DCLK2: variants seen among roughly 807,000 people sequenced by gnomAD.
The protein encoded by DCLK2 is doublecortin like kinase 2, also known as serine/threonine-protein kinase DCLK2.
In DCLK2, 31 loss-of-function variants were observed where a neutral mutation model predicts 78.4. The observed-to-expected ratio is 0.40, with a 90% CI of 0.30 to 0.53. DCLK2 has a LOEUF of 0.53. DCLK2 is among the 20% of genes least tolerant of loss of function. The probability of loss-of-function intolerance (pLI) is 0.61; values close to 1 mark genes in which losing one functional copy is unlikely to be tolerated. For synonymous variants in DCLK2, 407 were observed against 374.9 expected, an observed-to-expected ratio of 1.09 and a Z score of -0.99; for missense variants, 872 against 973.7, an observed-to-expected ratio of 0.90 and a Z score of 1.39.
intron 2 of DCLK2, among the ~76,000 whole-genome samples, chr4:150,119,711 A>G (rs1207954913): frequency 6.6e-6 from 1 of 152,192 alleles, no homozygotes; most frequent in Non-Finnish European, 1.5e-5. Context: ...GCCCAATGCA[A>G]ATACAGACCA....
intron 1 of DCLK2, among the ~76,000 whole-genome samples, chr4:150,086,728 G>A (rs1268790609): frequency 6.6e-6 from 1 of 151,984 alleles, no homozygotes; most frequent in African/African-American, 2.4e-5. Context: ...GGATGGTCTC[G>A]ATCTCCTGAC....
At chr4:150,236,131 C>T (rs1742486293) in intron 10 of DCLK2, among the ~76,000 whole-genome samples, 1 of 152,210 alleles carries the variant, frequency 6.6e-6, no homozygotes, top group Non-Finnish European at 1.5e-5. Context: ...GTGGGATCTG[C>T]ATTCCTCGCA....
At chr4:150,085,809 A>G (rs1729597047) in intron 1 of DCLK2, among the ~76,000 whole-genome samples, 1 of 152,172 alleles carries the variant, frequency 6.6e-6, no homozygotes, top group Non-Finnish European at 1.5e-5. Context: ...CACCTCCAGA[A>G]CTGTGAGAAA....
At chr4:150,242,518 G>A (rs1201208120) in intron 12 of DCLK2, among the ~76,000 whole-genome samples, 5 of 152,232 alleles carry the variant, frequency 3.3e-5, no homozygotes, top group Admixed American at 2.0e-4. Flanking sequence ...GATCAGTTGA[G>A]TGAATCTTCT....
intron 12 of DCLK2, among the ~76,000 whole-genome samples, chr4:150,242,852 T>G (rs1252102999): frequency 2.0e-5 from 3 of 152,126 alleles, no homozygotes; most frequent in Non-Finnish European, 4.4e-5. Context: ...GAATAATTTG[T>G]GGCCATTTTT....
intron 2 of DCLK2, among the ~76,000 whole-genome samples, chr4:150,168,215 C>T (rs558372057): frequency 6.6e-5 from 10 of 152,080 alleles, no homozygotes; most frequent in South Asian, 2.1e-4. Flanking sequence ...TGGTGGCAGG[C>T]GCCTGTAGTC....
At chr4:150,087,631 T>C (rs561069362) in intron 1 of DCLK2, among the ~76,000 whole-genome samples, 32 of 152,320 alleles carry the variant, frequency 2.1e-4, no homozygotes, top group African/African-American at 6.7e-4. Context: ...AGAAATATGA[T>C]TGGACAAAAG....
chr4:150,185,028 A>G (rs1479806847), intron 2 of DCLK2, among the ~76,000 whole-genome samples: 1 of 152,156 alleles, frequency 6.6e-6, no homozygotes, highest in Non-Finnish European at 1.5e-5. Context: ...TATGCTACTA[A>G]TATATGCATT....
Position 150,079,182 on chromosome 4 carries a change from C to T in DCLK2, c.155C>T (p.Ala52Val). Reference sequence around the variant, plus strand: ...CTCATCCCCAGTCCGGCGCACAGTGCCCACTGCAGCTTCTACCGCACGCGG... The same window carrying T: ...CTCATCCCCAGTCCGGCGCACAGTGTCCACTGCAGCTTCTACCGCACGCGG... ...NGLIPSPAHS[A>V]HCSFYRTRTL... The change falls in exon 1 of 16, where the codon GCC becomes GTC. Residue 52 changes from alanine to valine, a missense_variant. By Grantham distance (64) the Ala-to-Val change is moderately conservative. This residue lies in a region of DCLK2 where 567 missense variants were observed against 593.4 expected (regional missense o/e 0.96). Transcript: ENST00000296550. 1 of 1,610,648 alleles carries T rather than the reference C, an allele frequency of 6.2e-7. No homozygotes were observed. The highest frequency in any genetic ancestry group is 8.5e-7 in the Non-Finnish European group (1 of 1,178,530).
intron 10 of DCLK2, 57 bp from the exon 11 acceptor site, chr4:150,239,685 T>A (rs1742763023): frequency 1.1e-5 from 18 of 1,598,214 alleles, no homozygotes; most frequent in Non-Finnish European, 1.3e-5. Flanking sequence ...CCAAGAGCCC[T>A]CTCACAATTG....
chr4:150,202,458 A>T (rs1456347231), intron 4 of DCLK2, among the ~76,000 whole-genome samples: 1 of 152,228 alleles, frequency 6.6e-6, no homozygotes, highest in Admixed American at 6.5e-5. Context: ...AAATTTTAAA[A>T]TGAGCAATAC....
chr4:150,186,545 G>A (rs1737950944), intron 2 of DCLK2, among the ~76,000 whole-genome samples: 1 of 152,100 alleles, frequency 6.6e-6, no homozygotes, highest in Non-Finnish European at 1.5e-5. Context: ...TAGACTGTGT[G>A]CTTCTTGTCT....
chr4:150,171,374 G>A (rs1736518697), intron 2 of DCLK2, among the ~76,000 whole-genome samples: 1 of 152,190 alleles, frequency 6.6e-6, no homozygotes, highest in Admixed American at 6.5e-5. Flanking sequence ...CCAGCTACTT[G>A]GGAGGCTGAG....
At chr4:150,197,168 AAG>A (rs1225954804) in intron 3 of DCLK2, among the ~76,000 whole-genome samples, 2 of 147,360 alleles carry the variant, frequency 1.4e-5, no homozygotes, top group African/African-American at 2.7e-5. Flanking sequence ...AAAAAAAAAA[AAG>A]AGAGAGAGAA....
intron 2 of DCLK2, among the ~76,000 whole-genome samples, chr4:150,111,269 G>T (rs970720164): frequency 4.0e-5 from 6 of 151,024 alleles, no homozygotes; most frequent in Admixed American, 6.6e-5. Flanking sequence ...TATTTTTGTT[G>T]GCCATTTGTA....
At chr4:150,175,837 G>A (rs1737048476) in intron 2 of DCLK2, among the ~76,000 whole-genome samples, 1 of 152,126 alleles carries the variant, frequency 6.6e-6, no homozygotes, top group East Asian at 1.9e-4. Context: ...CTGCCTCTTG[G>A]CATTGGAGAA....
intron 2 of DCLK2, among the ~76,000 whole-genome samples, chr4:150,191,935 C>G (rs1274284081): frequency 6.6e-6 from 1 of 152,150 alleles, no homozygotes; most frequent in Non-Finnish European, 1.5e-5. Context: ...GATTTGTCAG[C>G]CTGTTCAAGT....
intron 12 of DCLK2, 98 bp downstream of exon 12, chr4:150,240,574 T>C: frequency 1.3e-6 from 1 of 762,040 alleles, no homozygotes; most frequent in East Asian, 4.5e-5. Flanking sequence ...TGTTTGGTCA[T>C]TAAAAATGCC....
At chr4:150,092,559 G>C (rs1168352329) in intron 1 of DCLK2, among the ~76,000 whole-genome samples, 6 of 152,074 alleles carry the variant, frequency 3.9e-5, no homozygotes, top group African/African-American at 2.4e-5. Context: ...TTGATGTTGA[G>C]CATCTTTTCA....
Sources: allele counts gnomAD v4.1 joint callset (sites outside exome capture counted in the v4.1 genomes callset), GRCh38; gene constraint gnomAD v4.1.1; regional missense constraint gnomAD v4.1.1; transcripts MANE v1.5; gene names NCBI Gene and HGNC (gene_info 2026-07-23, HGNC 2026-07-21).